Variants in TMEM163 observed in about 807,000 individuals in gnomAD.
The protein encoded by TMEM163 is transmembrane protein 163.
Under a neutral mutation model 29.3 loss-of-function variants are expected in TMEM163, and 17 were observed. The observed-to-expected ratio is 0.58, with a 90% CI of 0.40 to 0.87. The LOEUF is 0.87. Ranked by LOEUF, TMEM163 falls within the 40% of genes least tolerant of loss-of-function variation. TMEM163 has a pLI of 0.00. For synonymous variants in TMEM163, 157 were observed against 160.6 expected (o/e 0.98, Z 0.17); for missense variants, 303 against 381.5 (o/e 0.79, Z 1.71).
intron 2 of TMEM163, among the ~76,000 whole-genome samples, chr2:134,639,279 G>T (rs147170951): frequency 9.3e-4 from 142 of 152,318 alleles, no homozygotes; most frequent in African/African-American, 3.0e-3. Flanking sequence ...CTGAAGAGAA[G>T]GTTTAAGTGA....
intron 5 of TMEM163, among the ~76,000 whole-genome samples, chr2:134,471,256 C>T (rs369892525): frequency 6.6e-6 from 1 of 152,188 alleles, no homozygotes; most frequent in South Asian, 2.1e-4. Flanking sequence ...GAAGCCCTAA[C>T]CCCAATGTGA....
chr2:134,691,836 T>G (rs1370751200), intron 2 of TMEM163, among the ~76,000 whole-genome samples: 1 of 152,166 alleles, frequency 6.6e-6, no homozygotes, highest in East Asian at 1.9e-4. Context: ...CTTGAAGTGT[T>G]GTATTTGCCT....
chr2:134,572,265 G>T (rs2104786071), intron 2 of TMEM163, among the ~76,000 whole-genome samples: 1 of 152,284 alleles, frequency 6.6e-6, no homozygotes, highest in East Asian at 1.9e-4. Flanking sequence ...AAAGATGCCT[G>T]TGTTTCCCAA....
At chr2:134,628,933 T>C (rs182678163) in intron 2 of TMEM163, among the ~76,000 whole-genome samples, 15 of 152,296 alleles carry the variant, frequency 9.8e-5, no homozygotes, top group African/African-American at 3.6e-4. Flanking sequence ...GGTATAGCCA[T>C]TGAAAGAAAT....
intron 2 of TMEM163, among the ~76,000 whole-genome samples, chr2:134,567,467 G>A (rs1214167132): frequency 6.6e-6 from 1 of 152,064 alleles, no homozygotes; most frequent in Admixed American, 6.5e-5. Flanking sequence ...CGAGGCGGGA[G>A]GATCACCTGA....
At chr2:134,701,095 C>G (rs72972256) in intron 2 of TMEM163, among the ~76,000 whole-genome samples, 9 of 151,334 alleles carry the variant, frequency 5.9e-5, no homozygotes, top group Admixed American at 6.6e-5. Flanking sequence ...GGAGCTCAGA[C>G]GATGTACAAA....
chr2:134,528,188 G>T, intron 4 of TMEM163, among the ~76,000 whole-genome samples: 1 of 152,114 alleles, frequency 6.6e-6, no homozygotes, highest in East Asian at 1.9e-4. Context: ...AAAAAATCAG[G>T]GCAAACAGGA....
chr2:134,708,433 T>A (rs894204566), intron 2 of TMEM163, among the ~76,000 whole-genome samples: 6 of 152,166 alleles, frequency 3.9e-5, no homozygotes, highest in African/African-American at 1.4e-4. Context: ...TTACCATTTT[T>A]AAGGGTTAAG....
At chr2:134,515,906 A>G (rs139415084) in intron 4 of TMEM163, among the ~76,000 whole-genome samples, 1 of 152,312 alleles carries the variant, frequency 6.6e-6, no homozygotes, top group Non-Finnish European at 1.5e-5. Context: ...CATCACTTCT[A>G]ACATTGACCT....
At chr2:134,609,887 G>A (rs1682456977) in intron 2 of TMEM163, among the ~76,000 whole-genome samples, 1 of 149,624 alleles carries the variant, frequency 6.7e-6, no homozygotes, top group Admixed American at 6.6e-5. Flanking sequence ...TGGTGAAAAG[G>A]AGGACAGACC....
At chr2:134,670,141 T>G (rs1256106044) in intron 2 of TMEM163, among the ~76,000 whole-genome samples, 3 of 152,312 alleles carry the variant, frequency 2.0e-5, no homozygotes, top group Middle Eastern at 3.4e-3. Context: ...TTAGTAGACG[T>G]GGCTCCTTCT....
At chr2:134,528,156 G>A (rs1680336870) in intron 4 of TMEM163, among the ~76,000 whole-genome samples, 1 of 152,106 alleles carries the variant, frequency 6.6e-6, no homozygotes. Context: ...TGTTGTTATG[G>A]AAAAACTCCC....
chr2:134,562,013 G>A (rs1044381090), intron 2 of TMEM163, among the ~76,000 whole-genome samples: 3 of 152,204 alleles, frequency 2.0e-5, no homozygotes, highest in Admixed American at 2.0e-4. Context: ...GATAAACAGA[G>A]ATGGGGATAA....
At chr2:134,586,775 G>C (rs1681831890) in intron 2 of TMEM163, among the ~76,000 whole-genome samples, 1 of 152,194 alleles carries the variant, frequency 6.6e-6, no homozygotes, top group Non-Finnish European at 1.5e-5. Context: ...GGAAGCACCA[G>C]TGTGGGCTGT....
intron 4 of TMEM163, among the ~76,000 whole-genome samples, chr2:134,519,481 G>A (rs1680145157): frequency 6.6e-6 from 1 of 152,246 alleles, no homozygotes; most frequent in South Asian, 2.1e-4. Context: ...GGAGGCCGAG[G>A]CGGGCAGATC....
chr2:134,622,738 A>G (rs1456939422), intron 2 of TMEM163, among the ~76,000 whole-genome samples: 3 of 152,230 alleles, frequency 2.0e-5, no homozygotes, highest in East Asian at 1.9e-4. Context: ...GAATTCACCT[A>G]GCTAATATTA....
At chr2:134,563,240 A>G (rs1324564927) in intron 2 of TMEM163, among the ~76,000 whole-genome samples, 1 of 152,248 alleles carries the variant, frequency 6.6e-6, no homozygotes, top group Non-Finnish European at 1.5e-5. Flanking sequence ...TATTCAAGGC[A>G]GGAAGATGTT....
chr2:134,633,161 G>A (rs2104833753), intron 2 of TMEM163, among the ~76,000 whole-genome samples: 1 of 152,224 alleles, frequency 6.6e-6, no homozygotes, highest in African/African-American at 2.4e-5. Flanking sequence ...GGCACAATCT[G>A]GTTAAAAGGA....
intron 2 of TMEM163, among the ~76,000 whole-genome samples, chr2:134,639,774 G>A (rs528189865): frequency 2.2e-4 from 33 of 152,236 alleles, no homozygotes; most frequent in Admixed American, 1.4e-3. Context: ...TCAAACCACC[G>A]TTGACAATGA....
Sources: gnomAD v4.1 joint callset for allele counts (sites outside exome capture counted in the v4.1 genomes callset) on GRCh38, gnomAD v4.1.1 for gene constraint, MANE v1.5 for transcripts, NCBI Gene and HGNC (gene_info 2026-07-23, HGNC 2026-07-21) for gene names.